NEXN: variants seen among roughly 807,000 people sequenced by gnomAD.
NEXN encodes nexilin.
A neutral mutation model predicts 92.6 loss-of-function variants in NEXN; 65 were observed. The ratio of observed to expected loss-of-function variants is 0.70; its 90% CI spans 0.57 to 0.86. NEXN has a LOEUF of 0.86. Ranked by LOEUF, NEXN falls within the 40% of genes least tolerant of loss-of-function variation. The probability of loss-of-function intolerance (pLI) is 0.00; values close to 1 mark genes in which losing one functional copy is unlikely to be tolerated. For synonymous variants in NEXN, 254 were observed against 242.5 expected (o/e 1.05, Z -0.44); for missense variants, 778 against 771.1 (o/e 1.01, Z -0.11).
intron 1 of NEXN, among the ~76,000 whole-genome samples, chr1:77,906,930 G>A (rs192980873): frequency 1.4e-3 from 218 of 152,208 alleles, no homozygotes; most frequent in Admixed American, 2.9e-3. Context: ...TAACAAGTGT[G>A]AGCCATAACA....
chr1:77,929,400 A>C lies in NEXN; in HGVS notation c.949A>C (p.Met317Leu), dbSNP rs559464457. The C allele has an allele frequency of 7.4e-5, 120 of 1,613,902 alleles. No homozygotes were observed. In the East Asian group the frequency reaches 2.6e-3, roughly 35 times the overall value. The change falls in exon 9 of 13, where the codon ATG becomes CTG. Residue 317 changes from methionine (M) to leucine (L), a missense_variant. Transcript: ENST00000334785. ...PGKLKLSFEE[M>L]ERQRREDEKR... ...TAAACTCAAACTCAGTTTTGAAGAAATGGAAAGGCAAAGAAGAGAAGATGA... is the reference window on the plus strand; with the variant it reads ...TAAACTCAAACTCAGTTTTGAAGAACTGGAAAGGCAAAGAAGAGAAGATGA...
intron 1 of NEXN, among the ~76,000 whole-genome samples, chr1:77,904,771 A>G (rs1310731689): frequency 6.6e-6 from 1 of 152,206 alleles, no homozygotes; most frequent in Non-Finnish European, 1.5e-5. Context: ...ATTCTATAGT[A>G]GGCATGGTTG....
chr1:77,916,030 A>G (rs1571109541), intron 1 of NEXN, 25 bp from the exon 2 acceptor site: 2 of 835,012 alleles, frequency 2.4e-6, no homozygotes, highest in Non-Finnish European at 3.3e-6. Flanking sequence ...ATTAAAATTT[A>G]TTATACAATA....
chr1:77,940,339 T>C (rs928649882), intron 11 of NEXN, among the ~76,000 whole-genome samples: 5 of 152,350 alleles, frequency 3.3e-5, no homozygotes, highest in Admixed American at 3.3e-4. Context: ...AGAGTACCAA[T>C]GCCCTATAAA....
In NEXN at chr1:77,917,887, T is replaced by A. The variant is rs1024255618; in HGVS notation, c.220-73T>A. 55 of 1,467,904 alleles carry A rather than the reference T, an allele frequency of 3.7e-5. No homozygotes were observed. In the African/African-American group the frequency reaches 7.7e-4, roughly 20 times the overall value. 90.9% of individuals were successfully genotyped at this position (1,467,904 alleles called of 1,614,324 possible). A position where few individuals can be genotyped will look rare whatever the true frequency, so the allele number is the denominator to read the frequency against. On this transcript the variant is annotated intron_variant, in intron 3 of 12. Coordinates refer to ENST00000334785, the MANE Select transcript of NEXN (RefSeq NM_144573.4). Reference sequence around the variant, plus strand: ...TACTTTTCTGTATTTGTAACCTAATTTAAACTCTGCATATAATGTGATTTA... The same window carrying A: ...TACTTTTCTGTATTTGTAACCTAATATAAACTCTGCATATAATGTGATTTA...
At chr1:77,899,682 AAAACAAAAAAC>A (rs1434650973) in intron 1 of NEXN, among the ~76,000 whole-genome samples, 1 of 152,032 alleles carries the variant, frequency 6.6e-6, no homozygotes, top group African/African-American at 2.4e-5. Flanking sequence ...AAAAAATAAA[AAAACAAAAAAC>A]AAACAAAAAA....
intron 9 of NEXN, among the ~76,000 whole-genome samples, chr1:77,931,294 G>A (rs1650278894): frequency 6.8e-6 from 1 of 147,970 alleles, no homozygotes; most frequent in East Asian, 2.0e-4. Flanking sequence ...GGCACCTGTA[G>A]TCCCAGCTAC....
intron 1 of NEXN, among the ~76,000 whole-genome samples, chr1:77,901,508 T>G (rs1222726452): frequency 6.6e-6 from 1 of 152,158 alleles, no homozygotes; most frequent in Non-Finnish European, 1.5e-5. Flanking sequence ...AACCACATGT[T>G]CAACCTTATC....
chr1:77,942,902 G>A lies in NEXN; in HGVS notation c.*73G>A, dbSNP rs751751173. On this transcript the variant is annotated 3_prime_UTR_variant, in exon 13 of 13. Coordinates refer to ENST00000334785, the MANE Select transcript of NEXN (RefSeq NM_144573.4). ...ACTTTTCTTCTTCTCTTTTTTAGCTGATGACTACTAGCTCCCCTCCCCTCT... is the reference window on the plus strand; with the variant it reads ...ACTTTTCTTCTTCTCTTTTTTAGCTAATGACTACTAGCTCCCCTCCCCTCT... 2 of 1,498,980 alleles carry A rather than the reference G, an allele frequency of 1.3e-6. No individual in the cohort carries two copies. Among genetic ancestry groups the A allele is most frequent in the South Asian group, 1.2e-5 (1 of 82,390 alleles). The allele number at this position is 1,498,980 out of a possible 1,614,324, so 92.9% of individuals were successfully genotyped here. A position where few individuals can be genotyped will look rare whatever the true frequency, so the allele number is the denominator to read the frequency against.
intron 6 of NEXN, among the ~76,000 whole-genome samples, chr1:77,925,781 C>T (rs1649795268): frequency 6.6e-6 from 1 of 152,032 alleles, no homozygotes; most frequent in African/African-American, 2.4e-5. Flanking sequence ...GCAATTTTAT[C>T]TCAGGGCCAT....
chr1:77,895,036 T>G (rs1253438446), intron 1 of NEXN, among the ~76,000 whole-genome samples: 20 of 80,656 alleles, frequency 2.5e-4, no homozygotes, highest in Non-Finnish European at 4.0e-4. Flanking sequence ...GTAATTTTTT[T>G]TTTTTTTTTT....
intron 9 of NEXN, among the ~76,000 whole-genome samples, chr1:77,930,037 G>A (rs556683670): frequency 3.3e-5 from 5 of 152,100 alleles, no homozygotes; most frequent in African/African-American, 9.7e-5. Context: ...CTGTCACAAG[G>A]TTATGACTGT....
chr1:77,907,140 T>C (rs946913221), intron 1 of NEXN, among the ~76,000 whole-genome samples: 70 of 152,198 alleles, frequency 4.6e-4, no homozygotes, highest in African/African-American at 1.6e-3. Flanking sequence ...ATTAGTGAAA[T>C]AGTGGGTTTA....
Position 77,926,846 on chromosome 1 carries a change from G to A in NEXN, c.818G>A (p.Arg273His), listed in dbSNP as rs765385072. 21 of 1,613,824 alleles carry A rather than the reference G, an allele frequency of 1.3e-5. No homozygotes were observed. Among genetic ancestry groups the A allele is most frequent in the African/African-American group, 1.1e-4 (8 of 74,904 alleles). ...KKQAEEEARK[R>H]LEEEKRAFEE... ...CAAGCTGAAGAGGAAGCAAGAAAAC[G>A]TTTAGAAGAAGAGAAGCGTGCTTTT... The change falls in exon 8 of 13, where the codon CGT (arginine) becomes CAT (histidine). Residue 273 changes from arginine to histidine, a missense_variant. Arg to His is a conservative substitution (Grantham distance 29). Around this residue, in one of 3 missense-constraint regions of NEXN, gnomAD observed 532 missense variants for 476.7 expected, o/e 1.12. Coordinates refer to ENST00000334785, the MANE Select transcript of NEXN (RefSeq NM_144573.4).
At chr1:77,934,121 T>C (rs1650545753) in intron 10 of NEXN, among the ~76,000 whole-genome samples, 2 of 148,056 alleles carry the variant, frequency 1.4e-5, no homozygotes, top group Admixed American at 6.9e-5. Context: ...GCAATTCTCC[T>C]GCCTCAGCCT....
intron 5 of NEXN, among the ~76,000 whole-genome samples, 185 bp downstream of exon 5, chr1:77,918,458 G>A (rs886979231): frequency 6.6e-6 from 1 of 151,878 alleles, no homozygotes; most frequent in African/African-American, 2.4e-5. Context: ...TGGGTGGATC[G>A]CTTCGACATC....
At chr1:77,925,165 G>T in intron 5 of NEXN, 23 bp from the exon 6 acceptor site, 1 of 1,519,212 alleles carries the variant, frequency 6.6e-7, no homozygotes, top group African/African-American at 1.4e-5. Context: ...GTAATGTAAT[G>T]ATATGAAATT....
At position 77,926,596 on chromosome 1, in the gene NEXN, T is replaced by C; in HGVS notation, c.672T>C (p.Cys224=). ...GACCATCTCTCAAGGAAGCAAAGTG[T>C]CTTTCATTAGTTATGGTAAATTTTT... ...EQRPSLKEAK[C]LSLVMDDEIE... is the part of the protein sequence containing the mutation. Residue 224 remains cysteine, a synonymous_variant, in exon 7 of 13, where the codon TGT becomes TGC. Coordinates refer to ENST00000334785, the MANE Select transcript of NEXN (RefSeq NM_144573.4). The C allele has an allele frequency of 6.2e-7, 1 of 1,613,934 alleles. No individual in the cohort carries two copies. The highest frequency in any genetic ancestry group is 8.5e-7 in the Non-Finnish European group (1 of 1,179,918).
At chr1:77,941,737 C>A in intron 11 of NEXN, 1 of 428,456 alleles carries the variant, frequency 2.3e-6, no homozygotes. Context: ...CAGTTAAGTG[C>A]TATCAAAACC....
Sources: gnomAD v4.1 joint callset for allele counts (sites outside exome capture counted in the v4.1 genomes callset) on GRCh38, gnomAD v4.1.1 for gene constraint, gnomAD v4.1.1 regional missense constraint, MANE v1.5 for transcripts, NCBI Gene and HGNC (gene_info 2026-07-23, HGNC 2026-07-21) for gene names.